The following UTP20 variants were observed in gnomAD, a reference collection of about 807,000 sequenced individuals.
UTP20 encodes the protein small subunit processome component 20 homolog.
In UTP20, 164 loss-of-function variants were observed where a neutral mutation model predicts 329.5. The ratio of observed to expected loss-of-function variants is 0.50; its 90% CI spans 0.44 to 0.57. The LOEUF (loss-of-function observed/expected upper bound fraction) is 0.57, where lower values mean the gene tolerates loss of function less well. Among genes scored for constraint, UTP20 ranks in the 20% least tolerant of loss-of-function variants. The pLI, the probability that UTP20 is intolerant of heterozygous loss-of-function variation, is 0.00. For missense variants in UTP20, 3,055 were observed against 3,284.2 expected (o/e 0.93, Z 1.71); for synonymous variants, 1,151 against 1,159.3 (o/e 0.99, Z 0.14).
At position 101,373,772 on chromosome 12, in the gene UTP20, G is replaced by C. The variant is rs956820930; in HGVS notation, c.7131+5G>C. On this transcript the variant is annotated splice_donor_5th_base_variant and intron_variant, in intron 54 of 61. Coordinates refer to ENST00000261637, the MANE Select transcript of UTP20 (RefSeq NM_014503.3). ...ACTTGGTTTGGAGCAAAAAAGGTGT[G>C]CGTTGCTTTTAGTCACAGTTCAGTG... 2 of 1,607,410 alleles carry C rather than the reference G, an allele frequency of 1.2e-6. No homozygotes were observed. Among genetic ancestry groups the C allele is most frequent in the South Asian group, 2.2e-5 (2 of 89,332 alleles).
At chr12:101,370,707 A>G in intron 50 of UTP20, 144 bp downstream of exon 50, 1 of 870,110 alleles carries the variant, frequency 1.1e-6, no homozygotes, top group Non-Finnish European at 1.7e-6. Flanking sequence ...TGGTGGGTCA[A>G]TTACAGGTGA....
At position 101,346,440 on chromosome 12, in the gene UTP20, C is replaced by A; in HGVS notation, c.4747-11C>A. 6.3e-7 allele frequency: 1 copy of A among 1,576,074 alleles called. No individual in the cohort carries two copies. Among genetic ancestry groups the A allele is most frequent in the Non-Finnish European group, 8.6e-7 (1 of 1,166,828 alleles). ...ATTCGGTAACTAATTCATATTTTAT[C>A]TTACCCATAGATCCACAGAAGAGCA... On this transcript the variant is annotated splice_polypyrimidine_tract_variant and intron_variant, in intron 37 of 61. Coordinates refer to ENST00000261637, the MANE Select transcript of UTP20 (RefSeq NM_014503.3).
At chr12:101,307,652 C>G (rs1332113800) in intron 17 of UTP20, among the ~76,000 whole-genome samples, 1 of 152,204 alleles carries the variant, frequency 6.6e-6, no homozygotes, top group African/African-American at 2.4e-5. Context: ...GCTGGGATTA[C>G]AGGTGTGAGC....
chr12:101,307,132 C>A (rs1434933512), intron 17 of UTP20, among the ~76,000 whole-genome samples: 1 of 149,138 alleles, frequency 6.7e-6, no homozygotes, highest in Admixed American at 6.7e-5. Context: ...GAGCCGAGAT[C>A]GCACCACTGC....
intron 38 of UTP20, 73 bp from the exon 39 acceptor site, chr12:101,351,982 A>G (rs570703427): frequency 1.4e-5 from 21 of 1,550,354 alleles, no homozygotes; most frequent in Non-Finnish European, 1.8e-5. Flanking sequence ...TAACTTTTTC[A>G]ATATACTGAG....
intron 20 of UTP20, 29 bp downstream of exon 20, chr12:101,311,827 G>A (rs748931253): frequency 8.2e-6 from 13 of 1,588,578 alleles, no homozygotes; most frequent in African/African-American, 8.2e-5. Flanking sequence ...AGGAAGCTGC[G>A]AAGAAAAGTG....
At chr12:101,380,891 G>A (rs1870624449) in intron 57 of UTP20, among the ~76,000 whole-genome samples, 1 of 147,096 alleles carries the variant, frequency 6.8e-6, no homozygotes, top group African/African-American at 2.5e-5. Context: ...AAAAAATGTA[G>A]AGTATTATTA....
rs1484318214 is a variant in UTP20, at chr12:101,386,281, C to A, written c.*158C>A. 1.7e-6 allele frequency: 1 copy of A among 602,572 alleles called. No homozygotes were observed. The highest frequency in any genetic ancestry group is 2.8e-6 in the Non-Finnish European group (1 of 363,606). The allele number at this position is 602,572 out of a possible 1,614,324, so 37.3% of individuals were successfully genotyped here. Reference sequence around the variant, plus strand: ...GTGGAGTGCAGTGACGACATCACAGCTCACTGCAGCCTCAACCTGGGTTCA... The same window carrying A: ...GTGGAGTGCAGTGACGACATCACAGATCACTGCAGCCTCAACCTGGGTTCA... On this transcript the variant is annotated 3_prime_UTR_variant, in exon 62 of 62. Coordinates refer to ENST00000261637, the MANE Select transcript of UTP20 (RefSeq NM_014503.3).
intron 15 of UTP20, among the ~76,000 whole-genome samples, chr12:101,304,090 A>G (rs1422813388): frequency 6.6e-6 from 1 of 152,236 alleles, no homozygotes; most frequent in Admixed American, 6.5e-5. Flanking sequence ...CCTCCCAGCC[A>G]GGTGGCTCTA....
chr12:101,369,436 A>C (rs1379050284), intron 48 of UTP20, among the ~76,000 whole-genome samples: 1 of 152,154 alleles, frequency 6.6e-6, no homozygotes, highest in Non-Finnish European at 1.5e-5. Flanking sequence ...AAAAATGTTT[A>C]AACAAAGATT....
chr12:101,320,752 G>T (rs1292277964), intron 23 of UTP20, 100 bp from the exon 24 acceptor site: 3 of 1,047,894 alleles, frequency 2.9e-6, no homozygotes, highest in Non-Finnish European at 4.0e-6. Flanking sequence ...TAAAAATTTA[G>T]AATTTTTCAA....
At position 101,356,698 on chromosome 12, in the gene UTP20, GT is replaced by G; in HGVS notation, c.5534+11del. ...TATGGAAGCTAATCTGCCAAGGTAT[GT>G]TTTTTAACAAATTAGAAGTTTAGTG... On this transcript the variant is annotated splice_donor_region_variant and intron_variant, in intron 42 of 61. Coordinates refer to ENST00000261637, the MANE Select transcript of UTP20 (RefSeq NM_014503.3). 6.3e-7 allele frequency: 1 copy of G among 1,599,122 alleles called. No individual in the cohort carries two copies. Among genetic ancestry groups the G allele is most frequent in the Middle Eastern group, 1.7e-4 (1 of 5,996 alleles).
chr12:101,374,245 A>AT (rs1399346188), intron 54 of UTP20, among the ~76,000 whole-genome samples: 1 of 152,080 alleles, frequency 6.6e-6, no homozygotes, highest in African/African-American at 2.4e-5. Context: ...AAAAAAAAAA[A>AT]AAATAAATAA....
chr12:101,346,120 C>G (rs1869314489), intron 37 of UTP20, among the ~76,000 whole-genome samples: 1 of 151,968 alleles, frequency 6.6e-6, no homozygotes, highest in Admixed American at 6.6e-5. Context: ...GGCGCAATCT[C>G]AGCTCACTGT....
chr12:101,384,310 T>C (rs1376016762), intron 60 of UTP20, among the ~76,000 whole-genome samples: 1 of 152,154 alleles, frequency 6.6e-6, no homozygotes, highest in Non-Finnish European at 1.5e-5. Context: ...GGAAGCCAAG[T>C]TGGGAGGATC....
intron 8 of UTP20, 173 bp from the exon 9 acceptor site, chr12:101,291,569 G>C: frequency 4.4e-6 from 1 of 225,522 alleles, no homozygotes; most frequent in East Asian, 1.0e-4. Flanking sequence ...AAAAGACTTA[G>C]AACAATGCAC....
chr12:101,363,734 A>T lies in UTP20; in HGVS notation c.5949A>T (p.Pro1983=). The T allele has an allele frequency of 6.3e-7, 1 of 1,599,364 alleles. No individual in the cohort carries two copies. Among genetic ancestry groups the T allele is most frequent in the Non-Finnish European group, 8.6e-7 (1 of 1,166,650 alleles). The part of the protein sequence containing the change: ...GKDQVTKLIL[P]LKEILQNTTS... The stretch of plus-strand genomic sequence containing the variant: ...ATCAGGTTACAAAACTCATCCTTCC[A>T]TTAAAAGAGGTAAGGACGTAAATGC... The change falls in exon 45 of 62, where the codon CCA becomes CCT. Residue 1983 remains proline (P), a synonymous_variant. Coordinates refer to ENST00000261637, the MANE Select transcript of UTP20 (RefSeq NM_014503.3).
At chr12:101,381,378 C>CA (rs1159093187) in intron 58 of UTP20, among the ~76,000 whole-genome samples, 167 bp downstream of exon 58, 1 of 151,896 alleles carries the variant, frequency 6.6e-6, no homozygotes, top group Non-Finnish European at 1.5e-5. Flanking sequence ...ACTAAAAATA[C>CA]AAAAAAATTA....
intron 50 of UTP20, 129 bp from the exon 51 acceptor site, chr12:101,370,929 A>G: frequency 1.3e-6 from 1 of 750,866 alleles, no homozygotes; most frequent in Non-Finnish European, 2.2e-6. Context: ...TTAAGTGTCT[A>G]TCCTTTTTCT....
Sources: allele counts gnomAD v4.1 joint callset (sites outside exome capture counted in the v4.1 genomes callset), GRCh38; gene constraint gnomAD v4.1.1; transcripts MANE v1.5; gene names NCBI Gene and HGNC (gene_info 2026-07-23, HGNC 2026-07-21).